Variants in STPG2 observed in about 807,000 individuals in gnomAD.
The protein encoded by STPG2 is sperm tail PG-rich repeat containing 2, also known as sperm-tail PG-rich repeat-containing protein 2.
STPG2 carries 56 observed loss-of-function variants against 54.2 expected under a neutral mutation model. The ratio of observed to expected loss-of-function variants is 1.03; its 90% CI spans 0.83 to 1.29. STPG2 has a LOEUF of 1.29. Ranked by LOEUF, STPG2 falls within the 50% of genes most tolerant of loss-of-function variation. STPG2 has a pLI of 0.00. For missense variants in STPG2, 596 were observed against 544.9 expected (o/e 1.09, Z -0.93); for synonymous variants, 200 against 181.8 (o/e 1.10, Z -0.81).
intron 5 of STPG2, among the ~76,000 whole-genome samples, chr4:97,990,079 G>C (rs939807981): frequency 1.3e-5 from 2 of 152,176 alleles, no homozygotes. Context: ...GTCACTACTA[G>C]AGGTCATAGG....
intron 4 of STPG2, among the ~76,000 whole-genome samples, chr4:97,460,286 C>A (rs1306831421): frequency 6.6e-6 from 1 of 151,914 alleles, no homozygotes; most frequent in East Asian, 1.9e-4. Flanking sequence ...TTATTTTTTT[C>A]TATTTATTAC....
chr4:98,041,282 A>G (rs1736947432), intron 5 of STPG2, among the ~76,000 whole-genome samples: 1 of 151,954 alleles, frequency 6.6e-6, no homozygotes, highest in Non-Finnish European at 1.5e-5. Context: ...AACCAGAGAT[A>G]ATTTGAAATC....
chr4:98,109,162 C>T lies in STPG2; in HGVS notation c.500+31G>A, dbSNP rs372539216. On this transcript the variant is annotated intron_variant, in intron 4 of 10. Coordinates refer to ENST00000295268, the MANE Select transcript of STPG2 (RefSeq NM_174952.3). Reference sequence around the variant, plus strand: ...AAAATACTTTTCTAGTCAAGAGCTACATTAAAGGTATACTATATTTTTTTA... The same window carrying T: ...AAAATACTTTTCTAGTCAAGAGCTATATTAAAGGTATACTATATTTTTTTA... The T allele has an allele frequency of 1.1e-4, 139 of 1,319,578 alleles. No individual in the cohort carries two copies. The Admixed American group carries it at 1.1e-3, about 11-fold the overall frequency. 81.7% of individuals were successfully genotyped at this position (1,319,578 alleles called of 1,614,324 possible).
intron 4 of STPG2, among the ~76,000 whole-genome samples, chr4:97,466,077 T>A (rs1290458060): frequency 6.6e-6 from 1 of 152,102 alleles, no homozygotes; most frequent in Non-Finnish European, 1.5e-5. Context: ...TCCAGGGTTT[T>A]AAATAAATCC....
rs542546313 is a variant in STPG2 at position 97,652,981 on chromosome 4, G to T, written c.1320+59718C>A. On this transcript the variant is annotated intron_variant, in intron 10 of 10. Coordinates refer to ENST00000295268, the MANE Select transcript of STPG2 (RefSeq NM_174952.3). ...CCTCATATACCTTTAGCAGGAGATA[G>T]AAATTTTTTCAACAGTAGGAGTTAA... Among the ~76,000 whole-genome samples, 5 of 152,094 alleles carry T rather than the reference G, an allele frequency of 3.3e-5. No individual in the cohort carries two copies. The South Asian group carries it at 8.3e-4, about 25-fold the overall frequency.
intron 4 of STPG2, among the ~76,000 whole-genome samples, chr4:97,539,736 T>G (rs1004216189): frequency 1.3e-5 from 2 of 152,092 alleles, no homozygotes; most frequent in Non-Finnish European, 2.9e-5. Flanking sequence ...CCACCACAAA[T>G]CAACAGAATA....
chr4:97,912,800 G>C (rs756689053), intron 8 of STPG2, among the ~76,000 whole-genome samples: 2 of 152,192 alleles, frequency 1.3e-5, no homozygotes, highest in Non-Finnish European at 2.9e-5. Flanking sequence ...CCATGCATTG[G>C]CATTTTGTAA....
At chr4:97,990,062 G>A (rs1734956927) in intron 5 of STPG2, among the ~76,000 whole-genome samples, 1 of 152,196 alleles carries the variant, frequency 6.6e-6, no homozygotes, top group Non-Finnish European at 1.5e-5. Context: ...CAACAGTTGT[G>A]TAAGTGGTCA....
intron 9 of STPG2, among the ~76,000 whole-genome samples, chr4:97,776,963 G>A (rs1726396533): frequency 6.6e-6 from 1 of 152,074 alleles, no homozygotes; most frequent in African/African-American, 2.4e-5. Context: ...AGGAGTAATA[G>A]GAGAATAATA....
intron 10 of STPG2, among the ~76,000 whole-genome samples, chr4:97,626,432 C>A (rs568505881): frequency 6.6e-6 from 1 of 152,230 alleles, no homozygotes; most frequent in South Asian, 2.1e-4. Context: ...CTGTTTCCAC[C>A]TAAACATAAT....
At chr4:97,646,427 G>A (rs1721913613) in intron 10 of STPG2, among the ~76,000 whole-genome samples, 1 of 151,950 alleles carries the variant, frequency 6.6e-6, no homozygotes, top group Non-Finnish European at 1.5e-5. Context: ...AATCAATAAT[G>A]TAATATATCC....
At chr4:97,548,087 T>G (rs1188395584) in intron 4 of STPG2, among the ~76,000 whole-genome samples, 3 of 151,898 alleles carry the variant, frequency 2.0e-5, no homozygotes, top group Admixed American at 2.0e-4. Flanking sequence ...GAGGCGGAGA[T>G]TGTGGTGAGC....
Position 98,107,318 on chromosome 4 carries a change from A to T in STPG2, c.501-1254T>A, listed in dbSNP as rs1394647484. On this transcript the variant is annotated intron_variant, in intron 4 of 10. Transcript: ENST00000295268. ...AAAAAGTCTAAGAAAGAAAAAAACA[A>T]GTAGAAAATATCAACTGCCAGAAGG... 2.0e-5 allele frequency among the ~76,000 whole-genome samples: 3 copies of T among 149,076 alleles called. No individual in the cohort carries two copies. In the Admixed American group the frequency reaches 2.0e-4, roughly 10 times the overall value.
At chr4:97,549,265 T>C (rs1316785249) in intron 4 of STPG2, among the ~76,000 whole-genome samples, 1 of 152,212 alleles carries the variant, frequency 6.6e-6, no homozygotes, top group East Asian at 1.9e-4. Flanking sequence ...ATTTCATACA[T>C]ATATTTAATT....
intron 4 of STPG2, among the ~76,000 whole-genome samples, chr4:97,531,593 G>A (rs1465256024): frequency 6.6e-6 from 1 of 152,172 alleles, no homozygotes; most frequent in African/African-American, 2.4e-5. Context: ...TATGTTATGT[G>A]AGATAAGCCA....
chr4:97,977,316 ACCAGCTTT>A (rs1287104279), intron 6 of STPG2, among the ~76,000 whole-genome samples: 1 of 152,148 alleles, frequency 6.6e-6, no homozygotes, highest in Non-Finnish European at 1.5e-5. Context: ...TAACTCATAA[ACCAGCTTT>A]TTAAAAAAAT....
Position 98,081,425 on chromosome 4 carries a change from C to G in STPG2, c.612+24528G>C, listed in dbSNP as rs371751297. Among the ~76,000 whole-genome samples, 36 of 55,924 alleles carry G rather than the reference C, an allele frequency of 6.4e-4. No individual in the cohort carries two copies. In the East Asian group the frequency reaches 0.013, roughly 20 times the overall value. 36.7% of individuals were successfully genotyped at this position (55,924 alleles called of 152,430 possible). A position where few individuals can be genotyped will look rare whatever the true frequency, so the allele number is the denominator to read the frequency against. ...GTCAAGGGAAAATGAGAGATAAAAG[C>G]TAAGGGGGTTCTCTTGTGAAAAAAT... is the stretch of plus-strand genomic sequence containing the variant. On this transcript the variant is annotated intron_variant, in intron 5 of 10. Transcript: ENST00000295268.
At chr4:98,016,689 C>G (rs926010149) in intron 5 of STPG2, among the ~76,000 whole-genome samples, 1 of 152,148 alleles carries the variant, frequency 6.6e-6, no homozygotes, top group Non-Finnish European at 1.5e-5. Context: ...ACTTGCCCAT[C>G]TGTGTTCTCT....
chr4:97,737,146 G>A (rs1033685888), intron 9 of STPG2, among the ~76,000 whole-genome samples: 5 of 152,172 alleles, frequency 3.3e-5, no homozygotes, highest in Non-Finnish European at 1.5e-5. Context: ...CTGCAGCGGA[G>A]GGTCCTGTCT....
Sources: allele counts gnomAD v4.1 joint callset (sites outside exome capture counted in the v4.1 genomes callset), GRCh38; gene constraint gnomAD v4.1.1; transcripts MANE v1.5; gene names NCBI Gene and HGNC (gene_info 2026-07-23, HGNC 2026-07-21).